The following PLCB2 variants were observed in gnomAD, a reference collection of about 807,000 sequenced individuals.
PLCB2 encodes the protein 1-phosphatidylinositol 4,5-bisphosphate phosphodiesterase beta-2.
A neutral mutation model predicts 141.7 loss-of-function variants in PLCB2; 115 were observed. The observed-to-expected ratio is 0.81, with a 90% confidence interval of 0.70 to 0.95. The LOEUF is 0.95. PLCB2 is among the 40% of genes least tolerant of loss of function. The pLI, the probability that PLCB2 is intolerant of heterozygous loss-of-function variation, is 0.00. For missense variants in PLCB2, 1,403 were observed against 1,541.1 expected (o/e 0.91, Z 1.50); for synonymous variants, 603 against 595.6 (o/e 1.01, Z -0.18).
chr15:40,292,793 C>T, intron 21 of PLCB2, 133 bp downstream of exon 21: 1 of 604,366 alleles, frequency 1.7e-6, no homozygotes, highest in Non-Finnish European at 3.0e-6. Context: ...TGGAGAGGTA[C>T]TGTTCTGCCC....
rs1202594005 is a variant in PLCB2 at position 40,301,815 on chromosome 15, A to G, written c.582+142T>C. ...CCTGTGCCTAGTGTCAGTAACCAGC[A>G]GCTCCAGGGTTGATTGGCTCTCCAG... On this transcript the variant is annotated intron_variant, in intron 7 of 31. Transcript: ENST00000260402. The G allele has an allele frequency of 4.0e-6, 3 of 744,178 alleles. No homozygotes were observed. The African/African-American group carries it at 5.2e-5, about 13-fold the overall frequency. 46.1% of individuals were successfully genotyped at this position (744,178 alleles called of 1,614,324 possible). A position where few individuals can be genotyped will look rare whatever the true frequency, so the allele number is the denominator to read the frequency against.
rs1283660251 is a variant in PLCB2 at position 40,299,187 on chromosome 15, G to A, written c.624C>T (p.Tyr208=). 1 of 1,613,974 alleles carries A rather than the reference G, an allele frequency of 6.2e-7. No individual in the cohort carries two copies. Among genetic ancestry groups the A allele is most frequent in the Non-Finnish European group, 8.5e-7 (1 of 1,179,826 alleles). ...GACAGAGGCTCATGAGGAAACTCTT[G>A]TAGACAGGTTCTGGGAAGTCCTCAG... ...INPEDFPEPV[Y]KSFLMSLCPR... The change falls in exon 8 of 32, where the codon TAC becomes TAT. Residue 208 remains tyrosine, a synonymous_variant. Coordinates refer to ENST00000260402, the MANE Select transcript of PLCB2 (RefSeq NM_004573.3).
intron 3 of PLCB2, among the ~76,000 whole-genome samples, 192 bp downstream of exon 3, chr15:40,303,096 G>A (rs2040604459): frequency 6.6e-6 from 1 of 152,198 alleles, no homozygotes; most frequent in Non-Finnish European, 1.5e-5. Context: ...CAGTTCTGAA[G>A]CTCAGAGCCC....
chr15:40,289,214 C>T (rs1476373600), intron 31 of PLCB2, 58 bp downstream of exon 31: 1 of 1,460,394 alleles, frequency 6.8e-7, no homozygotes, highest in East Asian at 2.3e-5. Flanking sequence ...GGGCAAGGCC[C>T]CTTTACAACC....
At chr15:40,288,945 T>C in intron 31 of PLCB2, 27 bp from the exon 32 acceptor site, 1 of 1,609,148 alleles carries the variant, frequency 6.2e-7, no homozygotes, top group Non-Finnish European at 8.5e-7. Flanking sequence ...GACCCCTGCC[T>C]GGCTCAGGAG....
intron 1 of PLCB2, among the ~76,000 whole-genome samples, chr15:40,305,723 GA>G (rs1555395147): frequency 6.6e-6 from 1 of 152,224 alleles, no homozygotes; most frequent in African/African-American, 2.4e-5. Context: ...TCCAGAGAAA[GA>G]ATCAGCTTTA....
At chr15:40,292,569 G>A (rs146210807) in intron 21 of PLCB2, 126 bp from the exon 22 acceptor site, 2 of 608,282 alleles carry the variant, frequency 3.3e-6, no homozygotes, top group Admixed American at 6.0e-5. Context: ...CTTCAGCCAG[G>A]TTACTTTAAC....
In PLCB2 at chr15:40,288,494, C is replaced by T. The variant is rs1398016475; in HGVS notation, c.*221G>A. The T allele has an allele frequency of 1.1e-5, 14 of 1,272,648 alleles. No individual in the cohort carries two copies. Among genetic ancestry groups the T allele is most frequent in the Non-Finnish European group, 1.4e-5 (14 of 1,009,400 alleles). 78.8% of individuals were successfully genotyped at this position (1,272,648 alleles called of 1,614,324 possible). ...GATGGAGGGGGAGGTAGGAAGTCAG[C>T]TTGAGAAGACTTCTAGGCCCCAGAG... On this transcript the variant is annotated 3_prime_UTR_variant, in exon 32 of 32. Transcript: ENST00000260402.
chr15:40,299,085 C>A (rs1369207378), intron 8 of PLCB2, 43 bp downstream of exon 8: 3 of 1,567,952 alleles, frequency 1.9e-6, no homozygotes, highest in African/African-American at 2.7e-5. Flanking sequence ...GGATTGTTAG[C>A]CACCACCCTT....
In PLCB2 at chr15:40,302,491, G is replaced by A. The variant is rs764918691; in HGVS notation, c.350C>T (p.Ser117Phe). The A allele has an allele frequency of 3.7e-6, 6 of 1,614,044 alleles. No individual in the cohort carries two copies. The highest frequency in any genetic ancestry group is 2.2e-5 in the South Asian group (2 of 91,078). ...CACCTTGCCCACGTTCTCCTTGTAG[G>A]AGACGAAGTTGTGGAAGGTGAGGTC... ...MVDLTFHNFV[S>F]YKENVGKAWA... The change falls in exon 4 of 32, where the codon TCC becomes TTC. Residue 117 changes from serine (S) to phenylalanine (F), a missense_variant. Physicochemically the swap from Ser to Phe is radical, Grantham distance 155 (BLOSUM62 -2). This residue lies in a region of PLCB2 where 975 missense variants were observed against 1,141.1 expected (regional missense o/e 0.85). Transcript: ENST00000260402.
intron 17 of PLCB2, 53 bp downstream of exon 17, chr15:40,295,148 C>A: frequency 6.2e-7 from 1 of 1,610,692 alleles, no homozygotes; most frequent in Non-Finnish European, 8.5e-7. Context: ...CCAGGCCCTC[C>A]TCTGGCTCCC....
intron 26 of PLCB2, 26 bp from the exon 27 acceptor site, chr15:40,291,209 C>T: frequency 6.4e-7 from 1 of 1,571,066 alleles, no homozygotes. Context: ...GGGGACAGGC[C>T]CTGAGATCCT....
chr15:40,301,688 CA>C, intron 7 of PLCB2: 1 of 703,776 alleles, frequency 1.4e-6, no homozygotes, highest in Non-Finnish European at 2.6e-6. Flanking sequence ...GCCCTGAACA[CA>C]GTCCATCAAC....
At chr15:40,302,747 C>CT in intron 3 of PLCB2, 138 bp from the exon 4 acceptor site, 3 of 895,110 alleles carry the variant, frequency 3.4e-6, no homozygotes, top group Non-Finnish European at 3.4e-6. Context: ...AACCACAGGC[C>CT]TTAGCATCTT....
At position 40,290,597 on chromosome 15, in the gene PLCB2, T is replaced by C; in HGVS notation, c.3189A>G (p.Thr1063=). ...ERIQGMTKVT[T]DKMAQERLKR... is the part of the protein sequence containing the mutation. ...CTCACCTCTCCTGGGCCATCTTGTC[T>C]GTGGTGACTTTGGTCATGCCCTGGA... The change falls in exon 29 of 32, where the codon ACA becomes ACG. Residue 1063 remains threonine, a synonymous_variant. Coordinates refer to ENST00000260402, the MANE Select transcript of PLCB2 (RefSeq NM_004573.3). 6.2e-7 allele frequency: 1 copy of C among 1,613,990 alleles called. No homozygotes were observed. The highest frequency in any genetic ancestry group is 8.5e-7 in the Non-Finnish European group (1 of 1,179,836).
chr15:40,305,196 T>TTTTA (rs1363625572), intron 1 of PLCB2, among the ~76,000 whole-genome samples: 1 of 141,880 alleles, frequency 7.0e-6, no homozygotes, highest in Non-Finnish European at 1.5e-5. Context: ...TTTTTTTTTT[T>TTTTA]ACCTTAAGTT....
downstream of PLCB2, chr15:40,285,478 T>G: frequency 1.0e-6 from 1 of 959,274 alleles, no homozygotes; most frequent in Non-Finnish European, 1.2e-6. Context: ...GTTATTTCAT[T>G]TTTTTTATTT....
At chr15:40,296,250 A>C in intron 16 of PLCB2, 46 bp downstream of exon 16, 4 of 1,395,134 alleles carry the variant, frequency 2.9e-6, no homozygotes, top group Non-Finnish European at 4.0e-6. Flanking sequence ...GAAGGGGGAG[A>C]TCCCCCTTCT....
chr15:40,284,647 C>T (rs925717627), downstream of PLCB2: 10 of 440,338 alleles, frequency 2.3e-5, no homozygotes, highest in Non-Finnish European at 4.5e-5. Context: ...CGAGACCATC[C>T]TGGCCAACAT....
Sources: gnomAD v4.1 joint callset for allele counts (sites outside exome capture counted in the v4.1 genomes callset) on GRCh38, gnomAD v4.1.1 for gene constraint, gnomAD v4.1.1 regional missense constraint, MANE v1.5 for transcripts, NCBI Gene and HGNC (gene_info 2026-07-23, HGNC 2026-07-21) for gene names.